The following CASK variants were observed in gnomAD, a reference collection of about 807,000 sequenced individuals.
CASK encodes the protein calcium/calmodulin dependent serine protein kinase.
CASK carries 4 observed loss-of-function variants against 82.9 expected under a neutral mutation model. The observed-to-expected ratio is 0.05, with a 90% CI of 0.02 to 0.11. CASK has a LOEUF of 0.11. CASK is among the 10% of genes least tolerant of loss of function. The pLI is 1.00. For missense variants in CASK, 358 were observed against 720.9 expected, an observed-to-expected ratio of 0.50 and a Z score of 5.76; for synonymous variants, 259 against 253.5, an observed-to-expected ratio of 1.02 and a Z score of -0.20.
At chrX:41,579,144 C>A (rs952631940) in intron 14 of CASK, among the ~76,000 whole-genome samples, 8 of 111,563 alleles carry the variant, frequency 7.2e-5, no homozygotes, top group African/African-American at 2.6e-4. Context: ...GAGTATTGAG[C>A]AAGTATCTTT....
At chrX:41,677,170 A>G (rs1161800410) in intron 5 of CASK, among the ~76,000 whole-genome samples, 4 of 110,425 alleles carry the variant, frequency 3.6e-5, no homozygotes, top group South Asian at 7.8e-4. Flanking sequence ...AAAAAAAAAA[A>G]AAAGAATTTG....
intron 21 of CASK, among the ~76,000 whole-genome samples, chrX:41,548,254 T>C (rs1188678763): frequency 1.8e-5 from 2 of 111,704 alleles, no homozygotes; most frequent in East Asian, 5.6e-4. Context: ...CAGCTATGCA[T>C]TCCCAGTACA....
intron 7 of CASK, among the ~76,000 whole-genome samples, chrX:41,663,697 C>T (rs2067071852): frequency 1.8e-5 from 2 of 111,837 alleles, no homozygotes; most frequent in African/African-American, 6.5e-5. Context: ...ATGCCTATAA[C>T]TCAAAAACGC....
At chrX:41,739,288 G>A in intron 5 of CASK, 96 bp downstream of exon 5, 3 of 599,488 alleles carry the variant, frequency 5.0e-6, no homozygotes, top group South Asian at 5.3e-5. Context: ...AAATTAAGAT[G>A]TTCTTTATGA....
chrX:41,549,493 T>C (rs1487576587), intron 21 of CASK, among the ~76,000 whole-genome samples: 1 of 112,174 alleles, frequency 8.9e-6, no homozygotes, highest in Non-Finnish European at 1.9e-5. Context: ...TATACAAATT[T>C]ATCAGTTTTG....
intron 1 of CASK, among the ~76,000 whole-genome samples, chrX:41,918,446 A>G (rs2072728888): frequency 8.9e-6 from 1 of 112,561 alleles, no homozygotes; most frequent in Admixed American, 9.4e-5. Flanking sequence ...ATGTACAAAC[A>G]CAATCCATAC....
At chrX:41,810,070 C>A (rs1249816308) in intron 2 of CASK, among the ~76,000 whole-genome samples, 2 of 111,938 alleles carry the variant, frequency 1.8e-5, no homozygotes, top group Non-Finnish European at 3.8e-5. Context: ...ACAAAGCCTT[C>A]AAGAAATATG....
At chrX:41,779,478 T>C (rs1262161449) in intron 3 of CASK, among the ~76,000 whole-genome samples, 1 of 112,044 alleles carries the variant, frequency 8.9e-6, no homozygotes, top group Non-Finnish European at 1.9e-5. Context: ...TGAGTTTTCT[T>C]AGTGAATCAT....
chrX:41,904,111 G>T, intron 1 of CASK, among the ~76,000 whole-genome samples: 1 of 111,700 alleles, frequency 9.0e-6, no homozygotes, highest in Non-Finnish European at 1.9e-5. Context: ...TACCTACTGA[G>T]GCCATTTCTT....
chrX:41,541,040 G>A (rs909532440), intron 22 of CASK, among the ~76,000 whole-genome samples: 2 of 111,848 alleles, frequency 1.8e-5, no homozygotes, highest in African/African-American at 3.2e-5. Context: ...TAACACTGCT[G>A]TACAAATTAC....
At chrX:41,713,343 T>A (rs997039042) in intron 5 of CASK, among the ~76,000 whole-genome samples, 1 of 112,112 alleles carries the variant, frequency 8.9e-6, no homozygotes, top group Admixed American at 9.4e-5. Flanking sequence ...GATGGAAAGG[T>A]AGATTTCCAG....
chrX:41,632,952 A>G (rs1371556877), intron 9 of CASK, among the ~76,000 whole-genome samples: 1 of 107,307 alleles, frequency 9.3e-6, no homozygotes, highest in African/African-American at 3.4e-5. Context: ...CTGAGGCAGG[A>G]TAATCACTTG....
At chrX:41,540,199 T>TG (rs2064929476) in intron 22 of CASK, among the ~76,000 whole-genome samples, 1 of 111,779 alleles carries the variant, frequency 8.9e-6, no homozygotes. Flanking sequence ...ACCAAACAGG[T>TG]GGTGGCAGTA....
chrX:41,845,124 A>T (rs909252060), intron 2 of CASK, among the ~76,000 whole-genome samples: 1 of 112,012 alleles, frequency 8.9e-6, no homozygotes, highest in African/African-American at 3.2e-5. Context: ...ATAATGTTCT[A>T]TGTGTACTTG....
At chrX:41,736,124 T>C (rs935819033) in intron 5 of CASK, among the ~76,000 whole-genome samples, 2 of 111,934 alleles carry the variant, frequency 1.8e-5, no homozygotes, top group African/African-American at 6.5e-5. Context: ...ACACCAACAT[T>C]AAAAATTTTC....
At chrX:41,708,089 G>C (rs2067913277) in intron 5 of CASK, among the ~76,000 whole-genome samples, 1 of 99,839 alleles carries the variant, frequency 1.0e-5, no homozygotes, top group African/African-American at 3.8e-5. Context: ...CTGCAGTCCA[G>C]CCTGGCGACA....
At chrX:41,665,484 T>C (rs1353352343) in intron 6 of CASK, 32 bp from the exon 7 acceptor site, 1 of 1,096,100 alleles carries the variant, frequency 9.1e-7, no homozygotes, top group East Asian at 3.1e-5. Context: ...GGAAAAATGT[T>C]TACATAAAAT....
At chrX:41,774,748 G>A (rs2069317378) in intron 3 of CASK, among the ~76,000 whole-genome samples, 1 of 108,716 alleles carries the variant, frequency 9.2e-6, no homozygotes, top group Admixed American at 9.9e-5. Context: ...ACAACTATCT[G>A]ATCTTTGACA....
rs1189711697 is a variant in CASK, at chrX:41,735,795, C to G, written c.429+3589G>C. On this transcript the variant is annotated intron_variant, in intron 5 of 26. Transcript: ENST00000378163. ...CAGCTGTCAGATTAGCCCGCTTCCT[C>G]TCTTCCAAGTCCTTGCTCAGATATC... Among the ~76,000 whole-genome samples, 3 of 111,357 alleles carry G rather than the reference C, an allele frequency of 2.7e-5. No individual in the cohort carries two copies. The East Asian group carries it at 8.4e-4, about 31-fold the overall frequency.
Sources: allele counts gnomAD v4.1 joint callset (sites outside exome capture counted in the v4.1 genomes callset), GRCh38; gene constraint gnomAD v4.1.1; transcripts MANE v1.5; gene names NCBI Gene and HGNC (gene_info 2026-07-23, HGNC 2026-07-21).